RIMS2: variants seen among roughly 807,000 people sequenced by gnomAD.
The protein encoded by RIMS2 is regulating synaptic membrane exocytosis protein 2.
In RIMS2, 59 loss-of-function variants were observed where a neutral mutation model predicts 174.4. That is an observed-to-expected ratio of 0.34 (90% CI 0.27 to 0.42). RIMS2 has a LOEUF of 0.42. Ranked by LOEUF, RIMS2 falls within the 10% of genes least tolerant of loss-of-function variation. The pLI, the probability that RIMS2 is intolerant of heterozygous loss-of-function variation, is 1.00. For missense variants in RIMS2, 1,620 were observed against 1,666.3 expected, an observed-to-expected ratio of 0.97 and a Z score of 0.48; for synonymous variants, 606 against 572.5, an observed-to-expected ratio of 1.06 and a Z score of -0.84.
In RIMS2 at chr8:103,563,853, A is replaced by G. The variant is rs113287858; in HGVS notation, c.176+62791A>G. On this transcript the variant is annotated intron_variant, in intron 1 of 23. Coordinates refer to ENST00000504942, the Ensembl canonical transcript of RIMS2. ...GAGGAAAAAGTCACATCTTACGTGGATGGTGGCAGGCAAAGAGAGAGCATG... is the reference window on the plus strand; with the variant it reads ...GAGGAAAAAGTCACATCTTACGTGGGTGGTGGCAGGCAAAGAGAGAGCATG... Among the ~76,000 whole-genome samples the G allele has an allele frequency of 4.2e-4, 64 of 152,348 alleles. 1 individual carries two copies. Among genetic ancestry groups the G allele is most frequent in the African/African-American group, 1.5e-3 (64 of 41,582 alleles).
At chr8:104,057,068 T>C (rs182624133) in intron 19 of RIMS2, among the ~76,000 whole-genome samples, 222 of 150,072 alleles carry the variant, frequency 1.5e-3, no homozygotes, top group African/African-American at 4.1e-3. Flanking sequence ...TTTTTCTTTT[T>C]TTTTTTTTTT....
rs535762855 is a variant in RIMS2 at position 104,181,896 on chromosome 8, A to T, written c.3335-63020A>T. Among the ~76,000 whole-genome samples the T allele has an allele frequency of 7.2e-5, 11 of 151,796 alleles. No individual in the cohort carries two copies. In the East Asian group the frequency reaches 2.1e-3, roughly 29 times the overall value. On this transcript the variant is annotated intron_variant, in intron 19 of 23. Coordinates refer to ENST00000504942, the Ensembl canonical transcript of RIMS2. ...ATTTCCCCTTAAAAGTTAATGATGC[A>T]TTTTTTACAAATTAAAGTTACTACT...
intron 19 of RIMS2, among the ~76,000 whole-genome samples, chr8:104,129,983 A>C (rs897378251): frequency 3.7e-4 from 56 of 152,350 alleles, no homozygotes; most frequent in Non-Finnish European, 7.8e-4. Flanking sequence ...TGATTTACAA[A>C]CATTTCTAAA....
intron 1 of RIMS2, among the ~76,000 whole-genome samples, chr8:103,503,831 G>T (rs763317365): frequency 1.4e-4 from 22 of 151,940 alleles, no homozygotes; most frequent in Non-Finnish European, 2.9e-4. Context: ...TGTAGTGAAA[G>T]ATTCATGCTT....
At chr8:103,562,806 G>T (rs1315072606) in intron 1 of RIMS2, among the ~76,000 whole-genome samples, 1 of 152,150 alleles carries the variant, frequency 6.6e-6, no homozygotes, top group East Asian at 1.9e-4. Flanking sequence ...GGGTACTCAG[G>T]CATTTCCATA....
intron 15 of RIMS2, among the ~76,000 whole-genome samples, chr8:103,963,979 CT>C (rs747804827): frequency 6.6e-6 from 1 of 152,068 alleles, no homozygotes; most frequent in Non-Finnish European, 1.5e-5. Flanking sequence ...TAGTAATATG[CT>C]TTGTCTTTTC....
chr8:104,054,192 C>T (rs907143482), intron 19 of RIMS2, among the ~76,000 whole-genome samples: 3 of 152,196 alleles, frequency 2.0e-5, no homozygotes, highest in Non-Finnish European at 4.4e-5. Flanking sequence ...ATTGTTAATT[C>T]CTGTTTATTC....
chr8:104,028,270 T>A (rs2096301580), intron 19 of RIMS2, among the ~76,000 whole-genome samples: 1 of 152,150 alleles, frequency 6.6e-6, no homozygotes, highest in African/African-American at 2.4e-5. Context: ...TTTGCAGATG[T>A]ATGGGTTTCT....
At chr8:103,916,768 G>A (rs78289281) in intron 8 of RIMS2, among the ~76,000 whole-genome samples, 2 of 152,146 alleles carry the variant, frequency 1.3e-5, no homozygotes, top group Admixed American at 6.5e-5. Flanking sequence ...AAATATTTAG[G>A]TGTTTATTCA....
At chr8:104,104,832 A>G (rs368757483) in intron 19 of RIMS2, among the ~76,000 whole-genome samples, 1 of 151,440 alleles carries the variant, frequency 6.6e-6, no homozygotes, top group South Asian at 2.1e-4. Context: ...GTGAGCTGAG[A>G]TCACACCACT....
intron 19 of RIMS2, among the ~76,000 whole-genome samples, chr8:104,081,807 T>C (rs2097425343): frequency 6.6e-6 from 1 of 152,098 alleles, no homozygotes; most frequent in Admixed American, 6.6e-5. Context: ...CTTTAAAATA[T>C]GGTGAACTTG....
intron 19 of RIMS2, among the ~76,000 whole-genome samples, chr8:104,032,108 C>T (rs2096407558): frequency 6.6e-6 from 1 of 151,958 alleles, no homozygotes. Flanking sequence ...GAGGTACTTG[C>T]TTCCCTAAAA....
At chr8:103,764,058 C>A (rs1185221415) in intron 2 of RIMS2, among the ~76,000 whole-genome samples, 1 of 152,146 alleles carries the variant, frequency 6.6e-6, no homozygotes, top group Non-Finnish European at 1.5e-5. Flanking sequence ...TGGGGTGGGA[C>A]CTGGGAATCG....
At chr8:104,104,259 A>G (rs1276936803) in intron 19 of RIMS2, among the ~76,000 whole-genome samples, 2 of 152,174 alleles carry the variant, frequency 1.3e-5, no homozygotes, top group Admixed American at 1.3e-4. Flanking sequence ...ACAATGGACA[A>G]ATTAAAGGGT....
intron 17 of RIMS2, among the ~76,000 whole-genome samples, chr8:103,999,083 G>C (rs919328972): frequency 3.3e-4 from 50 of 151,808 alleles, no homozygotes; most frequent in African/African-American, 1.2e-3. Context: ...GTGGTGGAAG[G>C]CTTAGCTAGT....
chr8:103,599,251 T>C (rs919642163), intron 1 of RIMS2, among the ~76,000 whole-genome samples: 9 of 151,838 alleles, frequency 5.9e-5, no homozygotes, highest in Non-Finnish European at 8.8e-5. Flanking sequence ...AAATAGATAC[T>C]GTTTTTATTC....
intron 19 of RIMS2, among the ~76,000 whole-genome samples, chr8:104,097,150 T>G (rs2097776685): frequency 6.6e-6 from 1 of 152,164 alleles, no homozygotes; most frequent in African/African-American, 2.4e-5. Flanking sequence ...ATCTGAAATG[T>G]TTGAGACCAG....
At chr8:103,551,538 A>G (rs1252501875) in intron 1 of RIMS2, among the ~76,000 whole-genome samples, 1 of 152,176 alleles carries the variant, frequency 6.6e-6, no homozygotes, top group Non-Finnish European at 1.5e-5. Context: ...GAAAACTGGC[A>G]CAAGACAGGG....
At chr8:103,910,854 A>C (rs919629504) in intron 5 of RIMS2, among the ~76,000 whole-genome samples, 1 of 152,188 alleles carries the variant, frequency 6.6e-6, no homozygotes, top group Non-Finnish European at 1.5e-5. Context: ...ATAATAAATA[A>C]GTTTTGGATT....
Sources: allele counts gnomAD v4.1 joint callset (sites outside exome capture counted in the v4.1 genomes callset), GRCh38; gene constraint gnomAD v4.1.1; transcripts MANE v1.5; gene names NCBI Gene and HGNC (gene_info 2026-07-23, HGNC 2026-07-21).